The following USP5 variants were observed in gnomAD, a reference collection of about 807,000 sequenced individuals.
The protein encoded by USP5 is ubiquitin carboxyl-terminal hydrolase 5.
In USP5, 24 loss-of-function variants were observed where a neutral mutation model predicts 102.5. That is an observed-to-expected ratio of 0.23 (90% CI 0.17 to 0.33). The LOEUF (loss-of-function observed/expected upper bound fraction) is 0.33. Among genes scored for constraint, USP5 ranks in the 10% least tolerant of loss-of-function variants. USP5 has a pLI of 1.00. For synonymous variants in USP5, 460 were observed against 434.8 expected (o/e 1.06, Z -0.72); for missense variants, 753 against 1,122.1 (o/e 0.67, Z 4.70).
At position 6,858,512 on chromosome 12, in the gene USP5, A is replaced by T. The variant is rs782409014; in HGVS notation, c.953A>T (p.Lys318Met). The T allele has an allele frequency of 6.2e-7, 1 of 1,613,944 alleles. No individual in the cohort carries two copies. The highest frequency in any genetic ancestry group is 1.1e-5 in the South Asian group (1 of 91,082). ...ELIQESGVPLKPLFGPGYTGI... is the reference protein window; with the variant it reads ...ELIQESGVPLMPLFGPGYTGI... ...ATCCAGGAGTCAGGTGTGCCACTCA[A>T]GCCCCTGTTTGGGCCTGGCTACACA... The change falls in exon 8 of 20, where the codon AAG (lysine) becomes ATG (methionine). Residue 318 changes from lysine to methionine, a missense_variant. Transcript: ENST00000229268. This position sits in a 1 kb window ranked among gnomAD's most constrained non-coding sequence, Gnocchi z 4.2.
In USP5 at chr12:6,864,599, G is replaced by C. The variant is rs1263584462; in HGVS notation, c.2245-123G>C. ...AGCTACTTGGGAGGCTGAGGCAGGA[G>C]AAAGGCGTGAACCCGGGAGGCGGAG... On this transcript the variant is annotated intron_variant, in intron 17 of 19. Transcript: ENST00000229268. This position sits in a 1 kb window ranked among gnomAD's most constrained non-coding sequence, Gnocchi z 4.8. 2.7e-6 allele frequency: 3 copies of C among 1,104,488 alleles called. No homozygotes were observed. Among genetic ancestry groups the C allele is most frequent in the Non-Finnish European group, 3.8e-6 (3 of 780,984 alleles). The allele number at this position is 1,104,488 out of a possible 1,614,324, so 68.4% of individuals were successfully genotyped here.
chr12:6,859,365 C>T (rs1944207411), intron 8 of USP5, 105 bp from the exon 9 acceptor site: 9 of 1,176,478 alleles, frequency 7.6e-6, no homozygotes, highest in South Asian at 1.3e-5. Flanking sequence ...CAACTCCCCA[C>T]TCTTGAGGGG....
rs1053892501 is a variant in USP5, at chr12:6,855,005, A to G, written c.112-396A>G. Among the ~76,000 whole-genome samples, 6 of 152,106 alleles carry G rather than the reference A, an allele frequency of 3.9e-5. No homozygotes were observed. The highest frequency in any genetic ancestry group is 1.3e-4 in the Admixed American group (2 of 15,264). ...GTAATCTCCAGCACTGGAAGTCCAC[A>G]GTATTTGATCCCCATTTACTTTCTG... is the stretch of plus-strand genomic sequence containing the variant. On this transcript the variant is annotated intron_variant, in intron 1 of 19. Coordinates refer to ENST00000229268, the MANE Select transcript of USP5 (RefSeq NM_001098536.2). The surrounding 1 kb of genome is among the most constrained non-coding windows in gnomAD (Gnocchi z 4.6).
intron 8 of USP5, among the ~76,000 whole-genome samples, chr12:6,859,088 G>T (rs1367730769): frequency 6.6e-6 from 1 of 152,144 alleles, no homozygotes; most frequent in African/African-American, 2.4e-5. Flanking sequence ...ACTTGGGGAG[G>T]AGGGGGGCTT....
At position 6,856,518 on chromosome 12, in the gene USP5, G is replaced by A; in HGVS notation, c.584+68G>A. 1 of 1,558,198 alleles carries A rather than the reference G, an allele frequency of 6.4e-7. No homozygotes were observed. The highest frequency in any genetic ancestry group is 8.7e-7 in the Non-Finnish European group (1 of 1,153,686). ...AGGACAAGGAGCCCACTTTTCTGGG[G>A]GATCTGGTGGGAGAGAGGGTAGGGA... On this transcript the variant is annotated intron_variant, in intron 5 of 19. Coordinates refer to ENST00000229268, the MANE Select transcript of USP5 (RefSeq NM_001098536.2). The surrounding 1 kb of genome is among the most constrained non-coding windows in gnomAD (Gnocchi z 5.6).
Position 6,855,566 on chromosome 12 carries a change from G to A in USP5, c.237+40G>A, listed in dbSNP as rs782755739. 23 of 1,609,236 alleles carry A rather than the reference G, an allele frequency of 1.4e-5. No individual in the cohort carries two copies. Among genetic ancestry groups the A allele is most frequent in the Non-Finnish European group, 1.9e-5 (22 of 1,178,196 alleles). ...GGGGCAAGGCCTGGGTACATTGTCT[G>A]TTCCATTCTGACCTCCTATTGGACT... is the stretch of plus-strand genomic sequence containing the variant. On this transcript the variant is annotated intron_variant, in intron 2 of 19. Coordinates refer to ENST00000229268, the MANE Select transcript of USP5 (RefSeq NM_001098536.2). This position sits in a 1 kb window ranked among gnomAD's most constrained non-coding sequence, Gnocchi z 4.6.
chr12:6,856,914 C>G lies in USP5; in HGVS notation c.769+23C>G. On this transcript the variant is annotated intron_variant, in intron 6 of 19. Transcript: ENST00000229268. The surrounding 1 kb of genome is among the most constrained non-coding windows in gnomAD (Gnocchi z 5.6). The stretch of plus-strand genomic sequence containing the variant: ...CTGGTACAGCCTCCCCTCCTCCAGC[C>G]ACTCTCATGCTTAAATATATTTCAT... The G allele has an allele frequency of 6.2e-7, 1 of 1,607,868 alleles. No homozygotes were observed. Among genetic ancestry groups the G allele is most frequent in the South Asian group, 1.1e-5 (1 of 90,938 alleles).
At position 6,855,809 on chromosome 12, in the gene USP5, C is replaced by T. The variant is rs782110378; in HGVS notation, c.292C>T (p.Arg98Trp). ...TGDPPRKKPT[R>W]LAIGVEGGFD... ...AGACCCACCCCGGAAGAAGCCCACG[C>T]GGCTGGCTATTGGTGAGCACCGCTG... The change falls in exon 3 of 20, where the codon CGG (arginine) becomes TGG (tryptophan). Residue 98 changes from arginine (R) to tryptophan (W), a missense_variant. Arg to Trp is a moderately radical substitution (Grantham distance 101). Around this residue, in one of 3 missense-constraint regions of USP5, gnomAD observed 527 missense variants for 816.5 expected, o/e 0.65. Transcript: ENST00000229268. The surrounding 1 kb of genome is among the most constrained non-coding windows in gnomAD (Gnocchi z 4.6). 29 of 1,614,088 alleles carry T rather than the reference C, an allele frequency of 1.8e-5. No individual in the cohort carries two copies. The highest frequency in any genetic ancestry group is 3.3e-5 in the South Asian group (3 of 91,090).
In USP5 at chr12:6,855,053, G is replaced by A. The variant is rs1335846849; in HGVS notation, c.112-348G>A. ...CTGGATCTGTTAGCCCCAGGATAGA[G>A]GTGAAGGAAGTCCTCTGTGATTGAT... On this transcript the variant is annotated intron_variant, in intron 1 of 19. Coordinates refer to ENST00000229268, the MANE Select transcript of USP5 (RefSeq NM_001098536.2). This position sits in a 1 kb window ranked among gnomAD's most constrained non-coding sequence, Gnocchi z 4.6. Among the ~76,000 whole-genome samples, 1 of 152,122 alleles carries A rather than the reference G, an allele frequency of 6.6e-6. No homozygotes were observed. The highest frequency in any genetic ancestry group is 2.4e-5 in the African/African-American group (1 of 41,418).
chr12:6,863,326 G>A lies in USP5; in HGVS notation c.1903G>A (p.Gly635Ser), dbSNP rs369749430. The A allele has an allele frequency of 1.2e-6, 2 of 1,614,176 alleles. No homozygotes were observed. The highest frequency in any genetic ancestry group is 1.1e-5 in the South Asian group (1 of 91,076). ...DEPKGSLGFYGNEDEDSFCSP... is the reference protein window; with the variant it reads ...DEPKGSLGFYSNEDEDSFCSP... ...GCCCAAAGGTAGCCTTGGTTTCTAT[G>A]GCAACGAAGACGAAGACTCCTTCTG... Residue 635 changes from glycine (G) to serine (S), a missense_variant, in exon 15 of 20, where the codon GGC becomes AGC. Physicochemically the swap from Gly to Ser is moderately conservative, Grantham distance 56. Around this residue, in one of 3 missense-constraint regions of USP5, gnomAD observed 193 missense variants for 230.2 expected, o/e 0.84. Coordinates refer to ENST00000229268, the MANE Select transcript of USP5 (RefSeq NM_001098536.2). This position sits in a 1 kb window ranked among gnomAD's most constrained non-coding sequence, Gnocchi z 4.7.
In USP5 at chr12:6,860,207, C is replaced by G. The variant is rs376295117; in HGVS notation, c.1187C>G (p.Ser396Trp). Residue 396 changes from serine to tryptophan, a missense_variant, in exon 10 of 20, where the codon TCG becomes TGG. Physicochemically the swap from Ser to Trp is radical, Grantham distance 177 (BLOSUM62 -3). This residue lies in a region of USP5 where 527 missense variants were observed against 816.5 expected (regional missense o/e 0.65). Transcript: ENST00000229268. This position sits in a 1 kb window ranked among gnomAD's most constrained non-coding sequence, Gnocchi z 5.5. ...SGEYSKPVPE[S>W]GDGERVPEQK... ...GAGTATTCCAAGCCAGTACCGGAGT[C>G]GGGCGATGGGGAGCGGGTGCCAGAA... The G allele has an allele frequency of 6.2e-7, 1 of 1,608,262 alleles. No individual in the cohort carries two copies. The highest frequency in any genetic ancestry group is 8.5e-7 in the Non-Finnish European group (1 of 1,178,334).
At chr12:6,852,537 T>G (rs1411193677) in intron 1 of USP5, among the ~76,000 whole-genome samples, 2 of 152,276 alleles carry the variant, frequency 1.3e-5, no homozygotes, top group African/African-American at 4.8e-5. Flanking sequence ...TTGTAGTCAC[T>G]CACTGCCTTC....
In USP5 at chr12:6,855,065, C is replaced by T. The variant is rs1555127816; in HGVS notation, c.112-336C>T. On this transcript the variant is annotated intron_variant, in intron 1 of 19. Coordinates refer to ENST00000229268, the MANE Select transcript of USP5 (RefSeq NM_001098536.2). This position sits in a 1 kb window ranked among gnomAD's most constrained non-coding sequence, Gnocchi z 4.6. ...GCCCCAGGATAGAGGTGAAGGAAGT[C>T]CTCTGTGATTGATTAAAGAGCTCCA... Among the ~76,000 whole-genome samples, 3 of 152,092 alleles carry T rather than the reference C, an allele frequency of 2.0e-5. No homozygotes were observed. In the South Asian group the frequency reaches 6.2e-4, roughly 31 times the overall value.
chr12:6,864,107 C>G lies in USP5; in HGVS notation c.2156C>G (p.Ala719Gly). ...AGTGGGCCGGGCTCCACAAGCGCAGCAGCCGACCCCCCTCCTGAGGACTGT... is the reference window on the plus strand; with the variant it reads ...AGTGGGCCGGGCTCCACAAGCGCAGGAGCCGACCCCCCTCCTGAGGACTGT... ...GSSGPGSTSA[A>G]ADPPPEDCVT... The change falls in exon 17 of 20, where the codon GCA (alanine) becomes GGA (glycine). Residue 719 changes from alanine (A) to glycine (G), a missense_variant. Transcript: ENST00000229268. This position sits in a 1 kb window ranked among gnomAD's most constrained non-coding sequence, Gnocchi z 4.8. 6.2e-7 allele frequency: 1 copy of G among 1,614,062 alleles called. No individual in the cohort carries two copies. The highest frequency in any genetic ancestry group is 2.2e-5 in the East Asian group (1 of 44,878).
At chr12:6,865,884 A>T (rs971629062) in intron 19 of USP5, 100 bp from the exon 20 acceptor site, 1 of 1,008,506 alleles carries the variant, frequency 9.9e-7, no homozygotes, top group South Asian at 1.4e-5. Context: ...ATGGGCAGAG[A>T]GTGTGGAGAG....
At chr12:6,862,440 C>G (rs1944307713) in intron 13 of USP5, 30 bp from the exon 14 acceptor site, 1 of 1,599,644 alleles carries the variant, frequency 6.3e-7, no homozygotes, top group Non-Finnish European at 8.6e-7. Flanking sequence ...TGGGGATTGT[C>G]TGGGTACCAG....
chr12:6,863,652 A>G lies in USP5; in HGVS notation c.1955-178A>G, dbSNP rs1245006729. On this transcript the variant is annotated intron_variant, in intron 15 of 19. Coordinates refer to ENST00000229268, the MANE Select transcript of USP5 (RefSeq NM_001098536.2). This position sits in a 1 kb window ranked among gnomAD's most constrained non-coding sequence, Gnocchi z 4.7. The stretch of plus-strand genomic sequence containing the variant: ...CCAGAAACAGGGCCCATTCTGTGAG[A>G]ATGGGCAGGGACCCACATTACAATT... 1.3e-5 allele frequency among the ~76,000 whole-genome samples: 2 copies of G among 152,010 alleles called. No homozygotes were observed. Among genetic ancestry groups the G allele is most frequent in the African/African-American group, 4.8e-5 (2 of 41,356 alleles).
At position 6,860,430 on chromosome 12, in the gene USP5, TCTC is replaced by T. The variant is rs1944246222; in HGVS notation, c.1285_1287del (p.Ser429del). On this transcript the variant is annotated inframe_deletion, in exon 11 of 20. Transcript: ENST00000229268. The surrounding 1 kb of genome is among the most constrained non-coding windows in gnomAD (Gnocchi z 5.5). Reference sequence around the variant, plus strand: ...CTCATCGGCAAGGGCCACCCTGAATTCTCCACCAACCGGCAGCAGGATGCCCAG... The same window carrying T: ...CTCATCGGCAAGGGCCACCCTGAATTCACCAACCGGCAGCAGGATGCCCAG... 1.9e-6 allele frequency: 3 copies of T among 1,614,014 alleles called. No individual in the cohort carries two copies. The African/African-American group carries it at 4.0e-5, about 22-fold the overall frequency.
Position 6,858,891 on chromosome 12 carries a change from G to A in USP5, c.1058+274G>A, listed in dbSNP as rs1944194698. 2 of 305,124 alleles carry A rather than the reference G, an allele frequency of 6.6e-6. No individual in the cohort carries two copies. The highest frequency in any genetic ancestry group is 4.1e-5 in the African/African-American group (2 of 48,300). The allele number at this position is 305,124 out of a possible 1,614,324, so 18.9% of individuals were successfully genotyped here. A position where few individuals can be genotyped will look rare whatever the true frequency, so the allele number is the denominator to read the frequency against. On this transcript the variant is annotated intron_variant, in intron 8 of 19. Coordinates refer to ENST00000229268, the MANE Select transcript of USP5 (RefSeq NM_001098536.2). The surrounding 1 kb of genome is among the most constrained non-coding windows in gnomAD (Gnocchi z 4.2). ...AAAAGAATAATTCCTGTCACACTCT[G>A]GCTGACATGCTGTGAGGGGAGCAAG...
Sources: allele counts gnomAD v4.1 joint callset (sites outside exome capture counted in the v4.1 genomes callset), GRCh38; gene constraint gnomAD v4.1.1; regional missense constraint gnomAD v4.1.1; non-coding constraint Gnocchi (gnomAD v3.1); transcripts MANE v1.5; gene names NCBI Gene and HGNC (gene_info 2026-07-23, HGNC 2026-07-21).